KHDC4: variants seen among roughly 807,000 people sequenced by gnomAD.
KHDC4 encodes the protein KH domain containing 4, pre-mRNA splicing factor.
KHDC4 carries 19 observed loss-of-function variants against 74.5 expected under a neutral mutation model. The ratio of observed to expected loss-of-function variants is 0.26; its 90% CI spans 0.18 to 0.37. The LOEUF is 0.37. Ranked by LOEUF, KHDC4 falls within the 10% of genes least tolerant of loss-of-function variation. The probability of loss-of-function intolerance (pLI) is 1.00; values close to 1 mark genes in which losing one functional copy is unlikely to be tolerated. For synonymous variants in KHDC4, 253 were observed against 266.1 expected (o/e 0.95, Z 0.48); for missense variants, 632 against 754.1 (o/e 0.84, Z 1.90).
At chr1:155,919,539 G>A (rs1382250367) in intron 10 of KHDC4, among the ~76,000 whole-genome samples, 5 of 151,930 alleles carry the variant, frequency 3.3e-5, no homozygotes, top group African/African-American at 7.3e-5. Context: ...GGCCGGGCGC[G>A]GTGGCTCACG....
rs774859848 is a variant in KHDC4, at chr1:155,934,354, G to A, written c.20C>T (p.Thr7Ile). The A allele has an allele frequency of 6.2e-7, 1 of 1,611,136 alleles. No homozygotes were observed. Among genetic ancestry groups the A allele is most frequent in the Middle Eastern group, 1.7e-4 (1 of 6,060 alleles). The change falls in exon 1 of 14, where the codon ACA (threonine) becomes ATA (isoleucine). Residue 7 changes from threonine (T) to isoleucine (I), a missense_variant. Coordinates refer to ENST00000368321, the MANE Select transcript of KHDC4 (RefSeq NM_014949.4). ...GCCGTACCCGCCAGCTCCAGGATGTGTCGCGCTCCCCGCGGACATGGCGAC... is the reference window on the plus strand; with the variant it reads ...GCCGTACCCGCCAGCTCCAGGATGTATCGCGCTCCCCGCGGACATGGCGAC... MSAGSA[T>I]HPGAGGRRSK...
At chr1:155,926,284 G>C (rs1257720945) in intron 6 of KHDC4, among the ~76,000 whole-genome samples, 1 of 149,588 alleles carries the variant, frequency 6.7e-6, no homozygotes, top group Non-Finnish European at 1.5e-5. Context: ...TTGGAATTTG[G>C]AATTTCACGA....
At chr1:155,926,324 A>ATT in intron 6 of KHDC4, 5 of 202,002 alleles carry the variant, frequency 2.5e-5, no homozygotes, top group Non-Finnish European at 3.7e-5. Flanking sequence ...ATTACTTGGC[A>ATT]CTTTTTTTTT....
chr1:155,921,830 A>G (rs1335100089), intron 9 of KHDC4, 31 bp downstream of exon 9: 13 of 1,547,710 alleles, frequency 8.4e-6, no homozygotes, highest in East Asian at 2.2e-5. Context: ...CACTAGCAAA[A>G]TATTTTTTAA....
At chr1:155,926,527 AG>A in intron 6 of KHDC4, 148 bp downstream of exon 6, 1 of 794,210 alleles carries the variant, frequency 1.3e-6, no homozygotes, top group East Asian at 2.7e-5. Flanking sequence ...CACGTTGGTC[AG>A]GCTGGTCCAA....
chr1:155,921,459 G>T lies in KHDC4; in HGVS notation c.1182C>A (p.Val394=), dbSNP rs775698695. The T allele has an allele frequency of 1.2e-6, 2 of 1,614,138 alleles. No individual in the cohort carries two copies. Among genetic ancestry groups the T allele is most frequent in the Non-Finnish European group, 8.5e-7 (1 of 1,180,012 alleles). The change falls in exon 10 of 14, where the codon GTC becomes GTA. Residue 394 remains valine (V), a synonymous_variant. Coordinates refer to ENST00000368321, the MANE Select transcript of KHDC4 (RefSeq NM_014949.4). ...GGACTCCAGTAGGTAATGCCGGCAA[G>T]ACTCCAGGTGCTAATGAAACAGCTG... is the stretch of plus-strand genomic sequence containing the variant. ...VPPAVSLAPG[V]LPALPTGVPP... is the part of the protein sequence containing the mutation.
chr1:155,925,935 C>A (rs373141280), intron 6 of KHDC4, 92 bp from the exon 7 acceptor site: 40 of 1,107,428 alleles, frequency 3.6e-5, no homozygotes, highest in Non-Finnish European at 5.3e-5. Context: ...ATAGCAAAGA[C>A]AGTCTCCTGT....
At chr1:155,919,442 G>A (rs1386724610) in intron 10 of KHDC4, among the ~76,000 whole-genome samples, 4 of 152,122 alleles carry the variant, frequency 2.6e-5, no homozygotes, top group Non-Finnish European at 4.4e-5. Flanking sequence ...TTGGAAGTCC[G>A]AGGCTGCGGA....
intron 4 of KHDC4, among the ~76,000 whole-genome samples, chr1:155,928,176 C>T (rs550541659): frequency 6.6e-6 from 1 of 152,110 alleles, no homozygotes; most frequent in Non-Finnish European, 1.5e-5. Flanking sequence ...ACTTTTGAGA[C>T]CAGCCTGTCC....
rs1288935291 is a variant in KHDC4, at chr1:155,926,700, G to C, written c.657C>G (p.Ser219Arg). The C allele has an allele frequency of 6.2e-7, 1 of 1,614,172 alleles. No homozygotes were observed. The highest frequency in any genetic ancestry group is 1.7e-5 in the Admixed American group (1 of 60,024). Reference protein sequence around the residue: ...APIAQLSPAVSQKPPFQSGMH... With the variant: ...APIAQLSPAVRQKPPFQSGMH... ...CCCCTGACTGGAAGGGAGGCTTCTG[G>C]CTAACAGCTGGAGACAACTGAGCGA... Residue 219 changes from serine to arginine, a missense_variant, in exon 6 of 14, where the codon AGC becomes AGG. By Grantham distance (110) the Ser-to-Arg change is moderately radical (BLOSUM62 -1). This residue lies in a region of KHDC4 where 233 missense variants were observed against 342.6 expected (regional missense o/e 0.68). Transcript: ENST00000368321.
In KHDC4 at chr1:155,925,847, T is replaced by A; in HGVS notation, c.682-4A>T. 1 of 1,590,732 alleles carries A rather than the reference T, an allele frequency of 6.3e-7. No homozygotes were observed. Reference sequence around the variant, plus strand: ...ATTTATCTTGAACATAATGCATCTGTAGGAAGAACAGAATACTTCAGATTA... The same window carrying A: ...ATTTATCTTGAACATAATGCATCTGAAGGAAGAACAGAATACTTCAGATTA... On this transcript the variant is annotated splice_polypyrimidine_tract_variant and splice_region_variant and intron_variant, in intron 6 of 13. Coordinates refer to ENST00000368321, the MANE Select transcript of KHDC4 (RefSeq NM_014949.4).
intron 11 of KHDC4, among the ~76,000 whole-genome samples, chr1:155,917,275 A>C (rs1572004467): frequency 6.6e-6 from 1 of 152,280 alleles, no homozygotes; most frequent in Non-Finnish European, 1.5e-5. Flanking sequence ...TTTAAATACA[A>C]ACCACATACT....
chr1:155,925,937 G>A lies in KHDC4; in HGVS notation c.682-94C>T, dbSNP rs377370483. ...TCAATAAGAAATTATAGCAAAGACA[G>A]TCTCCTGTAAAACTGGGGTAGAGTG... On this transcript the variant is annotated intron_variant, in intron 6 of 13. Coordinates refer to ENST00000368321, the MANE Select transcript of KHDC4 (RefSeq NM_014949.4). The A allele has an allele frequency of 3.3e-5, 36 of 1,099,160 alleles. No individual in the cohort carries two copies. In the African/African-American group the frequency reaches 4.0e-4, roughly 12 times the overall value. 68.1% of individuals were successfully genotyped at this position (1,099,160 alleles called of 1,614,324 possible). A position where few individuals can be genotyped will look rare whatever the true frequency, so the allele number is the denominator to read the frequency against.
At chr1:155,927,849 CACACACACACACACACACACACACAA>C (rs761309253) in intron 4 of KHDC4, among the ~76,000 whole-genome samples, 7,330 of 39,420 alleles carry the variant, frequency 0.19, 306 homozygotes, top group Non-Finnish European at 0.35. Context: ...CACACACACA[CACACACACACACACACACACACACAA>C]AATTAATGGG....
Position 155,934,407 on chromosome 1 carries a change from T to C in KHDC4, c.-34A>G. On this transcript the variant is annotated 5_prime_UTR_variant, in exon 1 of 14. Coordinates refer to ENST00000368321, the MANE Select transcript of KHDC4 (RefSeq NM_014949.4). ...CTTCTACTCAACCACCCGCCAACTA[T>C]CCGACTACCACCTCTCGTCACTTCC... The C allele has an allele frequency of 3.7e-6, 6 of 1,609,464 alleles. No homozygotes were observed. Among genetic ancestry groups the C allele is most frequent in the South Asian group, 2.2e-5 (2 of 90,856 alleles).
chr1:155,928,465 A>T (rs1156647654), intron 4 of KHDC4, among the ~76,000 whole-genome samples: 3 of 152,146 alleles, frequency 2.0e-5, no homozygotes, highest in Admixed American at 2.0e-4. Flanking sequence ...AATGTTAAAA[A>T]TGTTGCATTC....
chr1:155,929,895 T>A, intron 2 of KHDC4, 55 bp from the exon 3 acceptor site: 3 of 1,239,878 alleles, frequency 2.4e-6, no homozygotes, highest in East Asian at 3.0e-5. Context: ...AAAGTCTATT[T>A]TTTTATTTTA....
Position 155,934,344 on chromosome 1 carries a change from T to A in KHDC4, c.30A>T (p.Gly10=), listed in dbSNP as rs769977462. The change falls in exon 1 of 14, where the codon GGA becomes GGT. Residue 10 remains glycine, a synonymous_variant. Transcript: ENST00000368321. MSAGSATHP[G]AGGRRSKWDQ... is the part of the protein sequence containing the mutation. ...CGCCCCTGAAGCCGTACCCGCCAGC[T>A]CCAGGATGTGTCGCGCTCCCCGCGG... 1.9e-6 allele frequency: 3 copies of A among 1,610,754 alleles called. No individual in the cohort carries two copies. In the East Asian group the frequency reaches 6.7e-5, roughly 36 times the overall value.
intron 11 of KHDC4, among the ~76,000 whole-genome samples, chr1:155,917,197 C>G (rs1301131210): frequency 6.6e-6 from 1 of 152,048 alleles, no homozygotes; most frequent in Non-Finnish European, 1.5e-5. Flanking sequence ...GGTGGGGAGA[C>G]TGGAGGGAGA....
Sources: allele counts gnomAD v4.1 joint callset (sites outside exome capture counted in the v4.1 genomes callset), GRCh38; gene constraint gnomAD v4.1.1; regional missense constraint gnomAD v4.1.1; transcripts MANE v1.5; gene names NCBI Gene and HGNC (gene_info 2026-07-23, HGNC 2026-07-21).